Variants in MACROD1 observed in about 807,000 individuals in gnomAD.
The protein encoded by MACROD1 is mono-ADP ribosylhydrolase 1.
MACROD1 carries 31 observed loss-of-function variants against 41.4 expected under a neutral mutation model. The observed-to-expected ratio is 0.75, with a 90% confidence interval of 0.56 to 1.01. MACROD1 has a LOEUF of 1.01. Ranked by LOEUF, MACROD1 falls within the 50% of genes least tolerant of loss-of-function variation. The probability of loss-of-function intolerance (pLI) is 0.00; values close to 1 mark genes in which losing one functional copy is unlikely to be tolerated. For missense variants in MACROD1, 473 were observed against 460.0 expected (o/e 1.03, Z -0.26); for synonymous variants, 252 against 203.4 (o/e 1.24, Z -2.03).
intron 3 of MACROD1, among the ~76,000 whole-genome samples, chr11:64,054,287 G>T (rs572227570): frequency 1.3e-5 from 2 of 152,324 alleles, no homozygotes; most frequent in South Asian, 4.1e-4. Flanking sequence ...GAGAGATTTA[G>T]GTTAGACAGA....
chr11:64,063,421 G>A (rs933788013), intron 3 of MACROD1, among the ~76,000 whole-genome samples: 1 of 152,154 alleles, frequency 6.6e-6, no homozygotes, highest in African/African-American at 2.4e-5. Flanking sequence ...GAGCGATGGA[G>A]GGAGAGGAGG....
chr11:64,153,719 C>T (rs1021791522), intron 1 of MACROD1, among the ~76,000 whole-genome samples: 7 of 152,174 alleles, frequency 4.6e-5, no homozygotes, highest in Non-Finnish European at 4.4e-5. Context: ...CACCCCTGGT[C>T]AGCCCCCACT....
In MACROD1 at chr11:64,120,739, G is replaced by A. The variant is rs1425267761; in HGVS notation, c.517+30500C>T. 6.6e-6 allele frequency among the ~76,000 whole-genome samples: 1 copy of A among 151,976 alleles called. No homozygotes were observed. The highest frequency in any genetic ancestry group is 2.4e-5 in the African/African-American group (1 of 41,380). ...CCATGGCCCCCCAGCCCCGAGATGA[G>A]CAGAAGGGCCCACCTGGGATGTCTG... On this transcript the variant is annotated intron_variant, in intron 3 of 10. Coordinates refer to ENST00000255681, the MANE Select transcript of MACROD1 (RefSeq NM_014067.4). The surrounding 1 kb of genome is among the most constrained non-coding windows in gnomAD (Gnocchi z 4.5).
intron 3 of MACROD1, among the ~76,000 whole-genome samples, chr11:64,108,666 C>T (rs1303969208): frequency 2.6e-5 from 4 of 152,228 alleles, no homozygotes; most frequent in African/African-American, 2.4e-5. Flanking sequence ...TGGCCTTTCC[C>T]GCTCTGGGGC....
At position 64,015,148 on chromosome 11, in the gene MACROD1, T is replaced by C. The variant is rs1590801844; in HGVS notation, c.547+104A>G. 2.5e-6 allele frequency: 3 copies of C among 1,212,176 alleles called. No individual in the cohort carries two copies. In the East Asian group the frequency reaches 8.9e-5, roughly 36 times the overall value. 75.1% of individuals were successfully genotyped at this position (1,212,176 alleles called of 1,614,324 possible). On this transcript the variant is annotated intron_variant, in intron 4 of 10. Transcript: ENST00000255681. Reference sequence around the variant, plus strand: ...CACCCTGTGAGGACAGTGGGGAAGGTGGATTGCAGTGAGATGGGCACCGAG... The same window carrying C: ...CACCCTGTGAGGACAGTGGGGAAGGCGGATTGCAGTGAGATGGGCACCGAG...
intron 3 of MACROD1, among the ~76,000 whole-genome samples, chr11:64,126,085 T>C (rs1945175938): frequency 6.6e-6 from 1 of 152,162 alleles, no homozygotes; most frequent in South Asian, 2.1e-4. Flanking sequence ...GCTAGTCCCA[T>C]TTTCAAAAGT....
chr11:64,027,191 G>A (rs1943234189), intron 3 of MACROD1, among the ~76,000 whole-genome samples: 1 of 152,206 alleles, frequency 6.6e-6, no homozygotes, highest in Admixed American at 6.5e-5. Context: ...AGAGGGGAGT[G>A]TGGCTGAGAG....
rs1367241304 is a variant in MACROD1, at chr11:64,146,281, C to T, written c.517+4958G>A. On this transcript the variant is annotated intron_variant, in intron 3 of 10. Coordinates refer to ENST00000255681, the MANE Select transcript of MACROD1 (RefSeq NM_014067.4). The surrounding 1 kb of genome is among the most constrained non-coding windows in gnomAD (Gnocchi z 4.7). ...CCCCTAGTGGATACCCTGAGACCGGCGCTCTCCCCAGACACAGGACTGAGG... is the reference window on the plus strand; with the variant it reads ...CCCCTAGTGGATACCCTGAGACCGGTGCTCTCCCCAGACACAGGACTGAGG... 6.6e-6 allele frequency among the ~76,000 whole-genome samples: 1 copy of T among 152,128 alleles called. No individual in the cohort carries two copies. The highest frequency in any genetic ancestry group is 1.9e-4 in the East Asian group (1 of 5,190).
chr11:64,077,486 C>CTGAT (rs913183639), intron 3 of MACROD1, among the ~76,000 whole-genome samples: 2 of 152,142 alleles, frequency 1.3e-5, no homozygotes, highest in Admixed American at 1.3e-4. Context: ...GACCCAGGTA[C>CTGAT]TGATGGGCAT....
chr11:64,031,476 C>CTTTTTTTTTTTTTT (rs386373983), intron 3 of MACROD1, among the ~76,000 whole-genome samples: 1 of 114,948 alleles, frequency 8.7e-6, no homozygotes. Flanking sequence ...GCCTGCCTTC[C>CTTTTTTTTTTTTTT]TTTTTTTTTT....
chr11:64,121,266 T>C (rs1370523002), intron 3 of MACROD1, among the ~76,000 whole-genome samples: 1 of 152,200 alleles, frequency 6.6e-6, no homozygotes, highest in Admixed American at 6.5e-5. Flanking sequence ...AGTCTCCTGT[T>C]CCTGGTTCTT....
chr11:64,117,831 C>T (rs759608183), intron 3 of MACROD1: 2 of 1,614,208 alleles, frequency 1.2e-6, no homozygotes, highest in Non-Finnish European at 1.7e-6. Context: ...TGATGAGACA[C>T]CCGTGTGTGC....
intron 3 of MACROD1, among the ~76,000 whole-genome samples, chr11:64,127,578 A>C (rs536143963): frequency 5.3e-5 from 8 of 152,236 alleles, no homozygotes; most frequent in Non-Finnish European, 1.2e-4. Flanking sequence ...CGCTGCAGGA[A>C]GAAGGGCCCT....
Position 63,999,365 on chromosome 11 carries a change from G to A in MACROD1, c.857C>T (p.Thr286Met), listed in dbSNP as rs1233770362. 6.3e-7 allele frequency: 1 copy of A among 1,592,656 alleles called. No homozygotes were observed. Residue 286 changes from threonine (T) to methionine (M), a missense_variant, in exon 8 of 11, where the codon ACG (threonine) becomes ATG (methionine). Physicochemically the swap from Thr to Met is moderately conservative, Grantham distance 81. Coordinates refer to ENST00000255681, the MANE Select transcript of MACROD1 (RefSeq NM_014067.4). ...CEAAAEIVLA[T>M]LREWLEQHKD... ...GTGCTGCTCCAGCCACTCTCGCAGC[G>A]TGGCCAGCACGATCTCGGCGGCCGC...
chr11:64,123,789 C>T (rs1347056085), intron 3 of MACROD1, among the ~76,000 whole-genome samples: 1 of 152,096 alleles, frequency 6.6e-6, no homozygotes, highest in African/African-American at 2.4e-5. Flanking sequence ...CTCCTTGTGG[C>T]CAGTAAAAGG....
intron 5 of MACROD1, 30 bp from the exon 6 acceptor site, chr11:63,999,793 G>A (rs1415545291): frequency 1.3e-6 from 2 of 1,593,344 alleles, no homozygotes; most frequent in Non-Finnish European, 1.7e-6. Context: ...CAGACCGGCG[G>A]GGGTCTACGC....
chr11:64,108,085 G>A (rs2154986), intron 3 of MACROD1, among the ~76,000 whole-genome samples: 1 of 151,870 alleles, frequency 6.6e-6, no homozygotes, highest in South Asian at 2.1e-4. Context: ...AGGCCGAGGC[G>A]GGCAGATCAC....
At chr11:64,000,413 C>T in intron 4 of MACROD1, 70 bp from the exon 5 acceptor site, 2 of 1,032,276 alleles carry the variant, frequency 1.9e-6, no homozygotes, top group Non-Finnish European at 2.7e-6. Flanking sequence ...ACCCTCAGTC[C>T]CGAGAAGCCC....
rs1288806877 is a variant in MACROD1 at position 64,052,902 on chromosome 11, T to A, written c.518-37621A>T. Among the ~76,000 whole-genome samples the A allele has an allele frequency of 6.6e-5, 10 of 152,256 alleles. No individual in the cohort carries two copies. The East Asian group carries it at 1.9e-3, about 29-fold the overall frequency. On this transcript the variant is annotated intron_variant, in intron 3 of 10. Transcript: ENST00000255681. ...CCACCACTACTCCACCCAGCTACCC[T>A]CCAGATAGGCACAGTATGGCCAGGC... is the stretch of plus-strand genomic sequence containing the variant.
Sources: allele counts gnomAD v4.1 joint callset (sites outside exome capture counted in the v4.1 genomes callset), GRCh38; gene constraint gnomAD v4.1.1; non-coding constraint Gnocchi (gnomAD v3.1); transcripts MANE v1.5; gene names NCBI Gene and HGNC (gene_info 2026-07-23, HGNC 2026-07-21).